The following ANXA10 variants were observed in gnomAD, a reference collection of about 807,000 sequenced individuals.
ANXA10 encodes annexin 14.
In ANXA10, 49 loss-of-function variants were observed where a neutral mutation model predicts 53.5. The ratio of observed to expected loss-of-function variants is 0.92; its 90% CI spans 0.73 to 1.16. The LOEUF (loss-of-function observed/expected upper bound fraction) is 1.16. Ranked by LOEUF, ANXA10 falls within the 50% of genes most tolerant of loss-of-function variation. ANXA10 has a pLI of 0.00. For missense variants in ANXA10, 393 were observed against 394.4 expected, an observed-to-expected ratio of 1.00 and a Z score of 0.03; for synonymous variants, 131 against 128.9, an observed-to-expected ratio of 1.02 and a Z score of -0.11.
intron 3 of ANXA10, among the ~76,000 whole-genome samples, chr4:168,140,035 C>T (rs892167278): frequency 6.6e-6 from 1 of 152,154 alleles, no homozygotes; most frequent in African/African-American, 2.4e-5. Context: ...GAATTCTCTA[C>T]CAGCTTTTCC....
At chr4:168,128,001 G>A (rs1731099854) in intron 1 of ANXA10, 83 bp from the exon 2 acceptor site, 1 of 1,257,382 alleles carries the variant, frequency 8.0e-7, no homozygotes, top group Non-Finnish European at 1.2e-6. Context: ...AGAGATTACA[G>A]GTATGAGCCA....
At chr4:168,097,611 C>A (rs913933799) in intron 1 of ANXA10, among the ~76,000 whole-genome samples, 1 of 151,990 alleles carries the variant, frequency 6.6e-6, no homozygotes, top group Non-Finnish European at 1.5e-5. Context: ...AAAAATTAAG[C>A]CTTGCTATTA....
rs199506867 is a variant in ANXA10 at position 168,184,645 on chromosome 4, A to C, written c.870A>C (p.Lys290Asn). 2 of 1,614,144 alleles carry C rather than the reference A, an allele frequency of 1.2e-6. No homozygotes were observed. The highest frequency in any genetic ancestry group is 1.7e-6 in the Non-Finnish European group (2 of 1,180,002). The change falls in exon 11 of 12, where the codon AAA becomes AAC. Residue 290 changes from lysine to asparagine, a missense_variant. Transcript: ENST00000359299. ...IDLLTIRKRY[K>N]ERYGKSLFHD... The stretch of plus-strand genomic sequence containing the variant: ...TGCTGACCATAAGGAAACGATACAA[A>C]GAGCGATATGGAAAATCCCTATTTC...
intron 11 of ANXA10, among the ~76,000 whole-genome samples, chr4:168,185,379 C>G (rs1241723859): frequency 6.6e-6 from 1 of 152,192 alleles, no homozygotes; most frequent in Non-Finnish European, 1.5e-5. Flanking sequence ...GTTGAGCTGT[C>G]CTCTCATATT....
intron 2 of ANXA10, among the ~76,000 whole-genome samples, chr4:168,135,515 T>A (rs1430878866): frequency 2.0e-5 from 3 of 152,200 alleles, no homozygotes; most frequent in African/African-American, 7.2e-5. Context: ...CTTATCTAAA[T>A]TTTAGTCAAG....
At chr4:168,182,626 C>G (rs1732276447) in intron 10 of ANXA10, among the ~76,000 whole-genome samples, 1 of 150,042 alleles carries the variant, frequency 6.7e-6, no homozygotes, top group South Asian at 2.1e-4. Context: ...AGCCACCGCG[C>G]CCGGCCTGGA....
intron 5 of ANXA10, 91 bp from the exon 6 acceptor site, chr4:168,165,156 C>G: frequency 1.3e-6 from 1 of 765,492 alleles, no homozygotes; most frequent in South Asian, 2.6e-5. Context: ...GGACTTTGTA[C>G]TCACAACTGG....
intron 3 of ANXA10, among the ~76,000 whole-genome samples, chr4:168,153,816 A>C (rs974847750): frequency 6.6e-6 from 1 of 152,164 alleles, no homozygotes; most frequent in Non-Finnish European, 1.5e-5. Context: ...CATATTTAGA[A>C]TCTCTTAGCT....
chr4:168,149,113 T>G (rs1731453051), intron 3 of ANXA10, among the ~76,000 whole-genome samples: 1 of 152,174 alleles, frequency 6.6e-6, no homozygotes, highest in African/African-American at 2.4e-5. Context: ...TTTTTGGTAT[T>G]CTATAGTTTC....
rs370484987 is a variant in ANXA10, at chr4:168,112,306, G to C, written c.19-15778G>C. ...GAGCAAGACTCTGTCTGGGGTGGCG[G>C]GCTGGGGGGAAGGCAACAACAAAAG... On this transcript the variant is annotated intron_variant, in intron 1 of 11. Transcript: ENST00000359299. 3.5e-4 allele frequency among the ~76,000 whole-genome samples: 53 copies of C among 152,116 alleles called. 1 individual carries two copies. In the South Asian group the frequency reaches 8.7e-3, roughly 25 times the overall value.
intron 6 of ANXA10, among the ~76,000 whole-genome samples, chr4:168,170,709 T>G (rs1274805411): frequency 6.6e-6 from 1 of 152,156 alleles, no homozygotes; most frequent in Non-Finnish European, 1.5e-5. Context: ...AAGGCTTACA[T>G]TTTATAAGAA....
Position 168,155,474 on chromosome 4 carries a change from A to ATATAATTTAT in ANXA10, c.196-7054_196-7053insTATAATTTAT, listed in dbSNP as rs1423882288. 1.2e-4 allele frequency among the ~76,000 whole-genome samples: 2 copies of ATATAATTTAT among 16,288 alleles called. 1 individual carries two copies. The highest frequency in any genetic ancestry group is 2.4e-3 in the Admixed American group (2 of 840). 10.7% of individuals were successfully genotyped at this position (16,288 alleles called of 152,430 possible). A position where few individuals can be genotyped will look rare whatever the true frequency, so the allele number is the denominator to read the frequency against. On this transcript the variant is annotated intron_variant, in intron 3 of 11. Coordinates refer to ENST00000359299, the MANE Select transcript of ANXA10 (RefSeq NM_007193.5). ...TATATATTTTATAATATATAATTAT[A>ATATAATTTAT]AATTATATATTATATAATATATAAT...
chr4:168,122,017 AT>A (rs11351062), intron 1 of ANXA10, among the ~76,000 whole-genome samples: 69,919 of 151,334 alleles, frequency 0.46, 17,044 homozygotes, highest in Non-Finnish European at 0.55. Flanking sequence ...TACTTTTGGT[AT>A]TTTTCGTACA....
intron 1 of ANXA10, among the ~76,000 whole-genome samples, chr4:168,121,082 C>A (rs1312948541): frequency 1.3e-5 from 2 of 151,942 alleles, no homozygotes; most frequent in African/African-American, 4.8e-5. Context: ...TATTTATTCT[C>A]CTAATCATGT....
chr4:168,187,403 C>T lies in ANXA10; in HGVS notation c.944C>T (p.Ala315Val), dbSNP rs747923178. The T allele has an allele frequency of 5.0e-6, 8 of 1,598,166 alleles. No individual in the cohort carries two copies. Among genetic ancestry groups the T allele is most frequent in the Non-Finnish European group, 6.8e-6 (8 of 1,171,044 alleles). The stretch of plus-strand genomic sequence containing the variant: ...GGGCATTATAAGAAAGCACTGCTTG[C>T]CATCTGTGCTGGTGATGCTGAGGAC... Reference protein sequence around the residue: ...ASGHYKKALLAICAGDAEDY With the variant: ...ASGHYKKALLVICAGDAEDY Residue 315 changes from alanine to valine, a missense_variant, in exon 12 of 12, where the codon GCC becomes GTC. By Grantham distance (64) the Ala-to-Val change is moderately conservative. Transcript: ENST00000359299.
intron 1 of ANXA10, among the ~76,000 whole-genome samples, chr4:168,101,491 GT>G (rs199505813): frequency 3.1e-5 from 4 of 129,318 alleles, no homozygotes; most frequent in Admixed American, 8.2e-5. Context: ...TTTTCTTTGT[GT>G]TTTTTTTGGG....
intron 1 of ANXA10, among the ~76,000 whole-genome samples, chr4:168,093,654 G>A (rs1730496053): frequency 1.3e-5 from 2 of 152,112 alleles, no homozygotes; most frequent in South Asian, 4.1e-4. Context: ...TCCAGCCTGG[G>A]CGACAGAGCG....
At chr4:168,127,122 G>C (rs1223957793) in intron 1 of ANXA10, among the ~76,000 whole-genome samples, 2 of 152,106 alleles carry the variant, frequency 1.3e-5, no homozygotes, top group East Asian at 3.9e-4. Flanking sequence ...AGGGAGAGCT[G>C]CCCTTCTTAA....
chr4:168,172,715 T>C (rs1486595805), intron 6 of ANXA10, among the ~76,000 whole-genome samples: 1 of 151,928 alleles, frequency 6.6e-6, no homozygotes. Flanking sequence ...ATTAGAAGGT[T>C]GATGAAAGAT....
Sources: gnomAD v4.1 joint callset for allele counts (sites outside exome capture counted in the v4.1 genomes callset) on GRCh38, gnomAD v4.1.1 for gene constraint, MANE v1.5 for transcripts, NCBI Gene and HGNC (gene_info 2026-07-23, HGNC 2026-07-21) for gene names.